The following AIMP1 variants were observed in gnomAD, a reference collection of about 807,000 sequenced individuals.
AIMP1 encodes the protein aminoacyl tRNA synthetase complex interacting multifunctional protein 1.
A neutral mutation model predicts 33.1 loss-of-function variants in AIMP1; 24 were observed. That is an observed-to-expected ratio of 0.73 (90% CI 0.53 to 1.02). The LOEUF is 1.02. AIMP1 is among the 50% of genes least tolerant of loss of function. The pLI, the probability that AIMP1 is intolerant of heterozygous loss-of-function variation, is 0.00. For synonymous variants in AIMP1, 120 were observed against 121.5 expected (o/e 0.99, Z 0.08); for missense variants, 367 against 364.8 (o/e 1.01, Z -0.05).
Position 106,331,660 on chromosome 4 carries a change from A to C in AIMP1, c.392-12A>C. ...TATTTCTGATGTTTACCCATTCATA[A>C]ATACTTTTTAGGAGAGAAGAAGGAG... On this transcript the variant is annotated splice_polypyrimidine_tract_variant and intron_variant, in intron 4 of 6. Transcript: ENST00000672341. 6.2e-7 allele frequency: 1 copy of C among 1,612,904 alleles called. No individual in the cohort carries two copies. Among genetic ancestry groups the C allele is most frequent in the South Asian group, 1.1e-5 (1 of 91,042 alleles).
rs184448472 is a variant in AIMP1 at position 106,317,483 on chromosome 4, T to A, written c.-26+889T>A. On this transcript the variant is annotated intron_variant, in intron 1 of 6. Coordinates refer to ENST00000672341, the MANE Select transcript of AIMP1 (RefSeq NM_001142416.2). ...TAAGAGGGTCACTCTTTAAGGAAAATACACAGAGGAGGACGTGGTAGGAGA... is the reference window on the plus strand; with the variant it reads ...TAAGAGGGTCACTCTTTAAGGAAAAAACACAGAGGAGGACGTGGTAGGAGA... 3.9e-3 allele frequency among the ~76,000 whole-genome samples: 589 copies of A among 152,226 alleles called. 1 individual carries two copies. Among genetic ancestry groups the A allele is most frequent in the Non-Finnish European group, 6.4e-3 (435 of 68,004 alleles).
chr4:106,343,116 G>A (rs773787470), intron 6 of AIMP1, among the ~76,000 whole-genome samples: 17 of 152,112 alleles, frequency 1.1e-4, no homozygotes, highest in South Asian at 1.0e-3. Context: ...TTGAGAACTC[G>A]TTATTGGTCT....
intron 4 of AIMP1, 104 bp downstream of exon 4, chr4:106,328,347 T>C: frequency 7.4e-7 from 1 of 1,356,686 alleles, no homozygotes; most frequent in Non-Finnish European, 1.0e-6. Flanking sequence ...AGTTCAACTT[T>C]CATGAGCTAG....
chr4:106,337,349 A>C (rs1036584716), intron 6 of AIMP1, among the ~76,000 whole-genome samples: 5 of 152,088 alleles, frequency 3.3e-5, no homozygotes, highest in Admixed American at 2.0e-4. Context: ...ACCCGGTGGG[A>C]GGTAACTGAA....
At chr4:106,328,587 G>A (rs1022917742) in intron 4 of AIMP1, among the ~76,000 whole-genome samples, 1 of 152,194 alleles carries the variant, frequency 6.6e-6, no homozygotes, top group African/African-American at 2.4e-5. Flanking sequence ...TAGGAAACTA[G>A]CTTAGGACCA....
intron 4 of AIMP1, 81 bp from the exon 5 acceptor site, chr4:106,331,591 G>T: frequency 8.1e-7 from 1 of 1,227,130 alleles, no homozygotes; most frequent in Non-Finnish European, 1.2e-6. Flanking sequence ...AAGCTCATTG[G>T]TATGGATACC....
chr4:106,334,414 C>T (rs1769796898), intron 5 of AIMP1, among the ~76,000 whole-genome samples: 1 of 151,812 alleles, frequency 6.6e-6, no homozygotes, highest in Admixed American at 6.6e-5. Context: ...ACAGGCACCA[C>T]CACCAAGCCC....
intron 1 of AIMP1, among the ~76,000 whole-genome samples, chr4:106,318,719 A>T (rs566729031): frequency 7.9e-5 from 12 of 152,262 alleles, no homozygotes; most frequent in South Asian, 2.1e-4. Flanking sequence ...ATTTCAGTTG[A>T]GTTATATATG....
intron 6 of AIMP1, among the ~76,000 whole-genome samples, chr4:106,342,929 G>T (rs1770154670): frequency 6.7e-6 from 1 of 149,730 alleles, no homozygotes; most frequent in Non-Finnish European, 1.5e-5. Flanking sequence ...TTTTGAGACG[G>T]GGTCTGGTTC....
rs188831486 is a variant in AIMP1, at chr4:106,334,934, T to C, written c.604-1935T>C. Among the ~76,000 whole-genome samples, 90 of 152,274 alleles carry C rather than the reference T, an allele frequency of 5.9e-4. 4 individuals carry two copies. The highest frequency in any genetic ancestry group is 1.8e-3 in the Admixed American group (27 of 15,296). ...GCAGGGTTAATAACTGAGAAAGTCA[T>C]GGGAGATGAAATCAGAGATAAGGGT... On this transcript the variant is annotated intron_variant, in intron 5 of 6. Transcript: ENST00000672341.
At chr4:106,316,356 C>CG (rs538568279), upstream of AIMP1, 12,613 of 579,858 alleles carry the variant, frequency 0.022, 148 homozygotes, top group South Asian at 0.047. Context: ...TGCGGGGGGA[C>CG]GGGGGGGGTC....
chr4:106,347,827 G>A lies in AIMP1; in HGVS notation c.*135G>A. ...TCTAGACTTGACTAGTCATTTACTTGGTATATATTGTTTTCATTGATTGGG... is the reference window on the plus strand; with the variant it reads ...TCTAGACTTGACTAGTCATTTACTTAGTATATATTGTTTTCATTGATTGGG... On this transcript the variant is annotated 3_prime_UTR_variant, in exon 7 of 7. Transcript: ENST00000672341. 1.1e-6 allele frequency: 1 copy of A among 877,812 alleles called. No homozygotes were observed. Among genetic ancestry groups the A allele is most frequent in the Non-Finnish European group, 1.7e-6 (1 of 588,228 alleles). 54.4% of individuals were successfully genotyped at this position (877,812 alleles called of 1,614,324 possible).
At chr4:106,339,117 G>A (rs939141692) in intron 6 of AIMP1, among the ~76,000 whole-genome samples, 47 of 152,164 alleles carry the variant, frequency 3.1e-4, no homozygotes, top group Non-Finnish European at 3.5e-4. Context: ...TGATTTTATG[G>A]CTCATAGGCA....
intron 4 of AIMP1, among the ~76,000 whole-genome samples, chr4:106,329,682 C>T (rs1365878733): frequency 6.6e-6 from 1 of 150,690 alleles, no homozygotes; most frequent in African/African-American, 2.4e-5. Context: ...GAGGGCTGTT[C>T]CATAGGTGTT....
rs760342886 is a variant in AIMP1 at position 106,336,890 on chromosome 4, T to G, written c.625T>G (p.Leu209Val). 6.2e-7 allele frequency: 1 copy of G among 1,614,088 alleles called. No individual in the cohort carries two copies. Residue 209 changes from leucine to valine, a missense_variant, in exon 6 of 7, where the codon TTA (leucine) becomes GTA (valine). Physicochemically the swap from Leu to Val is conservative, Grantham distance 32 (BLOSUM62 1). Transcript: ENST00000672341. ...LEQMQNRMVI[L>V]LCNLKPAKMR... ...ACAGATGCAAAATCGGATGGTGATT[T>G]TACTTTGTAACCTGAAACCTGCAAA...
intron 1 of AIMP1, among the ~76,000 whole-genome samples, chr4:106,324,099 A>AC (rs1319047381): frequency 1.3e-5 from 2 of 152,038 alleles, no homozygotes; most frequent in Non-Finnish European, 2.9e-5. Context: ...ACAATCTGTT[A>AC]CGTGTCTATT....
rs945681365 is a variant in AIMP1 at position 106,348,246 on chromosome 4, C to T, written c.*554C>T. 5.9e-5 allele frequency: 9 copies of T among 152,146 alleles called. No homozygotes were observed. The highest frequency in any genetic ancestry group is 1.9e-4 in the African/African-American group (8 of 41,432). The allele number at this position is 152,146 out of a possible 1,614,324, so 9.4% of individuals were successfully genotyped here. On this transcript the variant is annotated 3_prime_UTR_variant, in exon 7 of 7. Coordinates refer to ENST00000672341, the MANE Select transcript of AIMP1 (RefSeq NM_001142416.2). ...TTTTTGCTTTGCTGCCAGAGTAACC[C>T]TGACTAATAATACAATAACAGCAAT...
At chr4:106,318,391 G>A (rs1482559938) in intron 1 of AIMP1, among the ~76,000 whole-genome samples, 6 of 151,998 alleles carry the variant, frequency 3.9e-5, no homozygotes, top group African/African-American at 7.3e-5. Context: ...TAATAAGGAC[G>A]GTCTTTCAGT....
rs563856454 is a variant in AIMP1 at position 106,345,945 on chromosome 4, A to G, written c.773-1581A>G. Among the ~76,000 whole-genome samples the G allele has an allele frequency of 1.5e-3, 219 of 150,510 alleles. 1 individual carries two copies. The highest frequency in any genetic ancestry group is 2.8e-3 in the Non-Finnish European group (187 of 67,618). On this transcript the variant is annotated intron_variant, in intron 6 of 6. Coordinates refer to ENST00000672341, the MANE Select transcript of AIMP1 (RefSeq NM_001142416.2). The stretch of plus-strand genomic sequence containing the variant: ...AAAATATAAATACTTCCAGTAATTA[A>G]GTAATTCCAAGAGATCTCAACTTAG...
Sources: gnomAD v4.1 joint callset for allele counts (sites outside exome capture counted in the v4.1 genomes callset) on GRCh38, gnomAD v4.1.1 for gene constraint, MANE v1.5 for transcripts, NCBI Gene and HGNC (gene_info 2026-07-23, HGNC 2026-07-21) for gene names.